The following PDE10A variants were observed in gnomAD, a reference collection of about 807,000 sequenced individuals.
PDE10A encodes phosphodiesterase 10A, also known as cAMP and cAMP-inhibited cGMP 3',5'-cyclic phosphodiesterase 10A.
A neutral mutation model predicts 97.7 loss-of-function variants in PDE10A; 39 were observed. That is an observed-to-expected ratio of 0.40 (90% CI 0.31 to 0.52). The LOEUF (loss-of-function observed/expected upper bound fraction) is 0.52. Among genes scored for constraint, PDE10A ranks in the 20% least tolerant of loss-of-function variants. The pLI is 0.56. For synonymous variants in PDE10A, 371 were observed against 376.8 expected (o/e 0.98, Z 0.18); for missense variants, 731 against 1,047.8 (o/e 0.70, Z 4.17).
At chr6:165,751,666 G>A (rs570352057) in intron 1 of PDE10A, among the ~76,000 whole-genome samples, 27 of 152,244 alleles carry the variant, frequency 1.8e-4, no homozygotes, top group African/African-American at 1.7e-4. Flanking sequence ...AGCAGATGAC[G>A]ATAAAAGCGA....
intron 1 of PDE10A, among the ~76,000 whole-genome samples, chr6:165,682,747 T>C (rs1425762757): frequency 1.3e-5 from 2 of 152,216 alleles, no homozygotes; most frequent in Admixed American, 6.5e-5. Flanking sequence ...CACTTTGTTG[T>C]AGCAGCCTGA....
At position 165,919,734 on chromosome 6, in the gene PDE10A, T is replaced by A. The variant is rs370475725; in HGVS notation, c.-615+67795A>T. Among the ~76,000 whole-genome samples, 5 of 152,362 alleles carry A rather than the reference T, an allele frequency of 3.3e-5. No homozygotes were observed. The South Asian group carries it at 1.0e-3, about 32-fold the overall frequency. On this transcript the variant is annotated intron_variant, in intron 1 of 19. Coordinates refer to the PDE10A transcript ENST00000366882. ...AACCCAAGCAAACCATTCTAACTTA[T>A]CTTTCGCAGTCCTGTTTTAAGAGCT...
chr6:165,693,389 G>C (rs1032065482), intron 1 of PDE10A, among the ~76,000 whole-genome samples: 14 of 151,782 alleles, frequency 9.2e-5, no homozygotes, highest in Admixed American at 9.2e-4. Flanking sequence ...AAATTTGCTG[G>C]GCGTGGTGGT....
chr6:165,526,454 G>A (rs896510545), intron 2 of PDE10A, among the ~76,000 whole-genome samples: 6 of 152,122 alleles, frequency 3.9e-5, no homozygotes, highest in Non-Finnish European at 7.4e-5. Flanking sequence ...TGGTGAGAAA[G>A]GTCCAATGGA....
At position 165,510,013 on chromosome 6, in the gene PDE10A, T is replaced by C. The variant is rs1009469721; in HGVS notation, c.995-27670A>G. 4.6e-5 allele frequency among the ~76,000 whole-genome samples: 7 copies of C among 152,218 alleles called. No homozygotes were observed. The South Asian group carries it at 8.3e-4, about 18-fold the overall frequency. ...TTTTCTAAATATAAAGAGCATGTCATCTGCAAAGAGGGACAACCTGACTTT... is the reference window on the plus strand; with the variant it reads ...TTTTCTAAATATAAAGAGCATGTCACCTGCAAAGAGGGACAACCTGACTTT... On this transcript the variant is annotated intron_variant, in intron 2 of 21. Coordinates refer to ENST00000539869, the MANE Select transcript of PDE10A (RefSeq NM_001385079.1).
In PDE10A at chr6:165,539,738, C is replaced by T. The variant is rs557036587; in HGVS notation, c.994+3702G>A. Reference sequence around the variant, plus strand: ...GATTGGGAGACCAAGCTGGCCGACACGTTGAAACTCTGTCTCTAATAAAAA... The same window carrying T: ...GATTGGGAGACCAAGCTGGCCGACATGTTGAAACTCTGTCTCTAATAAAAA... On this transcript the variant is annotated intron_variant, in intron 2 of 21. Coordinates refer to ENST00000539869, the MANE Select transcript of PDE10A (RefSeq NM_001385079.1). 4.6e-5 allele frequency among the ~76,000 whole-genome samples: 7 copies of T among 151,298 alleles called. 1 individual carries two copies. Among genetic ancestry groups the T allele is most frequent in the South Asian group, 4.2e-4 (2 of 4,790 alleles).
chr6:165,823,822 A>C (rs1779650608), intron 1 of PDE10A, among the ~76,000 whole-genome samples: 1 of 152,028 alleles, frequency 6.6e-6, no homozygotes, highest in South Asian at 2.1e-4. Context: ...CCAGCTCCAT[A>C]ATCATCTTAC....
rs533744132 is a variant in PDE10A at position 165,494,299 on chromosome 6, C to T, written c.995-11956G>A. 2.6e-5 allele frequency among the ~76,000 whole-genome samples: 4 copies of T among 152,082 alleles called. No individual in the cohort carries two copies. In the East Asian group the frequency reaches 7.7e-4, roughly 29 times the overall value. On this transcript the variant is annotated intron_variant, in intron 2 of 21. Coordinates refer to ENST00000539869, the MANE Select transcript of PDE10A (RefSeq NM_001385079.1). ...ACTAAAAGTAGATCTACCATTTGAT[C>T]CAGCAATCCCATTCCTGGGTATTTA...
chr6:165,765,576 C>A (rs554799026), intron 1 of PDE10A, among the ~76,000 whole-genome samples: 9 of 152,202 alleles, frequency 5.9e-5, no homozygotes, highest in African/African-American at 2.2e-4. Context: ...CTGGCTGCTC[C>A]GAGTGCGGGG....
At chr6:165,899,515 G>A (rs1562789022) in intron 1 of PDE10A, among the ~76,000 whole-genome samples, 1 of 152,312 alleles carries the variant, frequency 6.6e-6, no homozygotes, top group Admixed American at 6.5e-5. Flanking sequence ...TGGCTTCCAG[G>A]CTAGTGGCAG....
intron 5 of PDE10A, among the ~76,000 whole-genome samples, chr6:165,437,898 T>C (rs981543677): frequency 2.0e-5 from 3 of 152,224 alleles, no homozygotes; most frequent in Non-Finnish European, 2.9e-5. Flanking sequence ...CCATTTCTAA[T>C]TGAGGATCAG....
At chr6:165,759,338 C>A (rs1042485938) in intron 1 of PDE10A, among the ~76,000 whole-genome samples, 1 of 152,140 alleles carries the variant, frequency 6.6e-6, no homozygotes, top group African/African-American at 2.4e-5. Context: ...CCAGGGACAG[C>A]GTTGAGAGAA....
intron 1 of PDE10A, among the ~76,000 whole-genome samples, chr6:165,607,600 T>C (rs1787272851): frequency 6.6e-6 from 1 of 152,106 alleles, no homozygotes; most frequent in Admixed American, 6.6e-5. Flanking sequence ...TCTCAGAAGG[T>C]ATCCCTATCA....
At chr6:165,386,238 G>C (rs1480495545) in intron 17 of PDE10A, among the ~76,000 whole-genome samples, 3 of 152,278 alleles carry the variant, frequency 2.0e-5, no homozygotes, top group African/African-American at 7.2e-5. Flanking sequence ...CTAGGGTTTA[G>C]GTGGACCTGG....
At chr6:165,718,209 A>G (rs1273858152) in intron 1 of PDE10A, 1 of 152,166 alleles carries the variant, frequency 6.6e-6, no homozygotes, top group Non-Finnish European at 1.5e-5. Context: ...TAAGAGTTGC[A>G]TAGTGGTCCA....
rs910858800 is a variant in PDE10A, at chr6:165,333,609, G to A, written c.3066-482C>T. Among the ~76,000 whole-genome samples the A allele has an allele frequency of 4.6e-5, 7 of 152,098 alleles. No homozygotes were observed. The South Asian group carries it at 1.0e-3, about 23-fold the overall frequency. On this transcript the variant is annotated intron_variant, in intron 21 of 21. Transcript: ENST00000539869. ...TTGTTCTTATTCTGAACAGTGTGTC[G>A]TATGTACAAAGTCATCCTAAGTTAC...
chr6:165,734,614 T>C (rs1218900121), intron 1 of PDE10A, among the ~76,000 whole-genome samples: 1 of 151,996 alleles, frequency 6.6e-6, no homozygotes, highest in Non-Finnish European at 1.5e-5. Context: ...AAACAACATA[T>C]TGGATAAAAT....
rs191221217 is a variant in PDE10A, at chr6:165,413,865, T to A, written c.1890-178A>T. ...ACAGTAACATTCCACAGAGTTTTAT[T>A]AAAACCTTTCCAAAAATATTCTAAT... On this transcript the variant is annotated intron_variant, in intron 12 of 21. Transcript: ENST00000539869. Among the ~76,000 whole-genome samples, 85 of 152,354 alleles carry A rather than the reference T, an allele frequency of 5.6e-4. 2 individuals carry two copies. Among genetic ancestry groups the A allele is most frequent in the African/African-American group, 2.0e-3 (83 of 41,578 alleles).
chr6:165,835,558 C>T (rs1032735452), intron 1 of PDE10A, among the ~76,000 whole-genome samples: 11 of 152,214 alleles, frequency 7.2e-5, no homozygotes, highest in Non-Finnish European at 1.2e-4. Flanking sequence ...CACAGAGCCC[C>T]CAGGGAAGCC....
Sources: allele counts gnomAD v4.1 joint callset (sites outside exome capture counted in the v4.1 genomes callset), GRCh38; gene constraint gnomAD v4.1.1; transcripts MANE v1.5; gene names NCBI Gene and HGNC (gene_info 2026-07-23, HGNC 2026-07-21).